Variants in TMEM117 observed in about 807,000 individuals in gnomAD.
TMEM117 encodes transmembrane protein 117.
A neutral mutation model predicts 52.4 loss-of-function variants in TMEM117; 27 were observed. That is an observed-to-expected ratio of 0.51 (90% CI 0.38 to 0.71). The LOEUF is 0.71. TMEM117 is among the 30% of genes least tolerant of loss of function. The pLI is 0.00. For synonymous variants in TMEM117, 215 were observed against 206.3 expected, an observed-to-expected ratio of 1.04 and a Z score of -0.36; for missense variants, 556 against 630.5, an observed-to-expected ratio of 0.88 and a Z score of 1.26.
chr12:43,827,890 T>C, the TMEM117 span, among the ~76,000 whole-genome samples: 7 of 152,104 alleles, frequency 4.6e-5, no homozygotes, highest in African/African-American at 7.2e-5. Flanking sequence ...TAAGAGAAGA[T>C]AGAGATTTGA....
At chr12:43,874,766 A>T (rs1359027348) in intron 2 of TMEM117, among the ~76,000 whole-genome samples, 1 of 152,242 alleles carries the variant, frequency 6.6e-6, no homozygotes, top group Non-Finnish European at 1.5e-5. Context: ...AGTATAGCAC[A>T]GAATGAGTAC....
chr12:44,152,652 A>G (rs1251422419), intron 4 of TMEM117, among the ~76,000 whole-genome samples: 8 of 130,050 alleles, frequency 6.2e-5, no homozygotes, highest in Non-Finnish European at 1.2e-4. Context: ...TTTATATATA[A>G]TATTTATATC....
At chr12:43,802,170 T>A in the TMEM117 span, 1 of 625,432 alleles carries the variant, frequency 1.6e-6, no homozygotes, top group Non-Finnish European at 2.5e-6. Flanking sequence ...ATTTTCCTCA[T>A]GATCATTCCC....
At chr12:43,897,202 C>G (rs1944220384) in intron 2 of TMEM117, among the ~76,000 whole-genome samples, 1 of 152,156 alleles carries the variant, frequency 6.6e-6, no homozygotes. Context: ...TCTTAAACTT[C>G]TGCCGAGAGC....
rs745580741 is a variant in TMEM117, at chr12:43,844,701, T to C, written c.50T>C (p.Ile17Thr). The C allele has an allele frequency of 3.2e-5, 51 of 1,614,074 alleles. No homozygotes were observed. The highest frequency in any genetic ancestry group is 3.6e-5 in the Non-Finnish European group (43 of 1,180,042). The change falls in exon 2 of 8, where the codon ATT (isoleucine) becomes ACT (threonine). Residue 17 changes from isoleucine (I) to threonine (T), a missense_variant. This residue lies in a region of TMEM117 where 328 missense variants were observed against 371.4 expected (regional missense o/e 0.88). Coordinates refer to ENST00000266534, the MANE Select transcript of TMEM117 (RefSeq NM_032256.3). Reference sequence around the variant, plus strand: ...TTCCAGCATCCCTGGTCTCGCATGATTGTGGCTTACTTGGTGATCTTCTTT... The same window carrying C: ...TTCCAGCATCCCTGGTCTCGCATGACTGTGGCTTACTTGGTGATCTTCTTT... ...YYFQHPWSRM[I>T]VAYLVIFFNF...
At chr12:44,387,926 A>G (rs964263729) in intron 7 of TMEM117, 100 bp from the exon 8 acceptor site, 3 of 1,074,276 alleles carry the variant, frequency 2.8e-6, no homozygotes, top group African/African-American at 3.2e-5. Flanking sequence ...TGAAACATTA[A>G]CAATTGATGT....
intron 2 of TMEM117, among the ~76,000 whole-genome samples, chr12:43,867,461 G>C (rs1361461963): frequency 6.6e-6 from 1 of 152,218 alleles, no homozygotes; most frequent in Non-Finnish European, 1.5e-5. Context: ...AAACAGCAAA[G>C]TGGTAGACCT....
chr12:43,796,967 G>T, the TMEM117 span: 4 of 1,606,838 alleles, frequency 2.5e-6, no homozygotes, highest in South Asian at 2.2e-5. Flanking sequence ...TTTAAAATAG[G>T]TGGGCTACCT....
At chr12:44,047,339 G>C (rs1259452063) in intron 3 of TMEM117, among the ~76,000 whole-genome samples, 2 of 151,934 alleles carry the variant, frequency 1.3e-5, no homozygotes, top group African/African-American at 4.8e-5. Context: ...GGAATTCTTT[G>C]AACTTCACAT....
rs1435596340 is a variant in TMEM117, at chr12:44,388,423, T to G, written c.1296T>G (p.Thr432=). 1.2e-6 allele frequency: 2 copies of G among 1,613,312 alleles called. No homozygotes were observed. The highest frequency in any genetic ancestry group is 8.5e-7 in the Non-Finnish European group (1 of 1,179,630). The change falls in exon 8 of 8, where the codon ACT becomes ACG. Residue 432 remains threonine, a synonymous_variant. Coordinates refer to ENST00000266534, the MANE Select transcript of TMEM117 (RefSeq NM_032256.3). ...PRMENQDKTY[T]RMKRKSPSEH... Reference sequence around the variant, plus strand: ...TGGAGAATCAAGACAAAACTTACACTCGCATGAAAAGAAAATCTCCATCAG... The same window carrying G: ...TGGAGAATCAAGACAAAACTTACACGCGCATGAAAAGAAAATCTCCATCAG...
intron 2 of TMEM117, among the ~76,000 whole-genome samples, chr12:43,847,458 A>C (rs1943229196): frequency 1.3e-5 from 2 of 152,156 alleles, no homozygotes; most frequent in African/African-American, 4.8e-5. Context: ...ATAAAGATGG[A>C]GGGGCTTGAT....
At chr12:43,847,188 A>G (rs987799427) in intron 2 of TMEM117, among the ~76,000 whole-genome samples, 1 of 152,192 alleles carries the variant, frequency 6.6e-6, no homozygotes, top group African/African-American at 2.4e-5. Flanking sequence ...ATAAAAAGAT[A>G]TAGATGAAAG....
intron 5 of TMEM117, among the ~76,000 whole-genome samples, chr12:44,278,351 A>T (rs1950540232): frequency 2.6e-5 from 4 of 152,216 alleles, no homozygotes; most frequent in Admixed American, 6.5e-5. Context: ...TTTTGAGGCT[A>T]TCTGAATATC....
chr12:44,195,889 AAAATAAATAAATAAAT>A (rs71091196), intron 4 of TMEM117, among the ~76,000 whole-genome samples: 169 of 136,588 alleles, frequency 1.2e-3, no homozygotes, highest in African/African-American at 3.3e-3. Context: ...CCCTGTCTCT[AAAATAAATAAATAAAT>A]AAATAAATAA....
chr12:44,268,295 G>A (rs1180683477), intron 5 of TMEM117, among the ~76,000 whole-genome samples: 1 of 151,880 alleles, frequency 6.6e-6, no homozygotes, highest in East Asian at 1.9e-4. Flanking sequence ...GCACCGCCAT[G>A]CCTGGCTAAT....
chr12:43,805,815 G>C, the TMEM117 span: 5 of 1,371,808 alleles, frequency 3.6e-6, no homozygotes, highest in Admixed American at 1.9e-5. Flanking sequence ...TTTGGACCAT[G>C]AAAAAGAAAA....
At chr12:44,171,310 C>T (rs949358181) in intron 4 of TMEM117, among the ~76,000 whole-genome samples, 28 of 152,136 alleles carry the variant, frequency 1.8e-4, no homozygotes, top group African/African-American at 4.6e-4. Flanking sequence ...CCACCGCGCC[C>T]GGCCTTTATT....
At chr12:43,915,105 G>A (rs1463419684) in intron 2 of TMEM117, among the ~76,000 whole-genome samples, 1 of 152,118 alleles carries the variant, frequency 6.6e-6, no homozygotes, top group Non-Finnish European at 1.5e-5. Context: ...CTTCCACATG[G>A]TTTCAGTATT....
chr12:43,835,853 G>C (rs1298874736), upstream of TMEM117: 2 of 152,056 alleles, frequency 1.3e-5, no homozygotes, highest in Admixed American at 6.6e-5. Flanking sequence ...CGAGAGGGCA[G>C]GGGCGGGGAG....
Sources: allele counts gnomAD v4.1 joint callset (sites outside exome capture counted in the v4.1 genomes callset), GRCh38; gene constraint gnomAD v4.1.1; regional missense constraint gnomAD v4.1.1; transcripts MANE v1.5; gene names NCBI Gene and HGNC (gene_info 2026-07-23, HGNC 2026-07-21).